Variants in AKR1B15 observed in about 807,000 individuals in gnomAD.
The protein encoded by AKR1B15 is aldo-keto reductase family 1 member B15, also known as estradiol 17-beta-dehydrogenase AKR1B15.
In AKR1B15, 49 loss-of-function variants were observed where a neutral mutation model predicts 38.5. The ratio of observed to expected loss-of-function variants is 1.27; its 90% CI spans 1.01 to 1.62. AKR1B15 has a LOEUF of 1.62. AKR1B15 is among the 40% of genes most tolerant of loss of function. The pLI is 0.00. For synonymous variants in AKR1B15, 137 were observed against 135.5 expected (o/e 1.01, Z -0.08); for missense variants, 411 against 381.6 (o/e 1.08, Z -0.64).
intron 3 of AKR1B15, 28 bp downstream of exon 3, chr7:134,564,797 A>T (rs1794496342): frequency 1.6e-6 from 1 of 633,962 alleles, no homozygotes; most frequent in African/African-American, 1.8e-5. Flanking sequence ...TCATCACCCA[A>T]TTCCCAACAG....
At chr7:134,565,343 C>T in intron 3 of AKR1B15, 1 of 1,368,708 alleles carries the variant, frequency 7.3e-7, no homozygotes, top group Non-Finnish European at 1.0e-6. Context: ...TCTTTAACAG[C>T]TGTAACACAC....
chr7:134,575,998 G>A (rs1227590213), intron 8 of AKR1B15, 71 bp downstream of exon 8: 28 of 1,559,032 alleles, frequency 1.8e-5, no homozygotes, highest in African/African-American at 2.7e-5. Flanking sequence ...GGTAAATGTC[G>A]GTATGGGTCC....
At position 134,579,669 on chromosome 7, in the gene AKR1B15, T is replaced by G; in HGVS notation, c.*120T>G. 1 of 880,760 alleles carries G rather than the reference T, an allele frequency of 1.1e-6. No individual in the cohort carries two copies. The highest frequency in any genetic ancestry group is 1.7e-6 in the Non-Finnish European group (1 of 586,422). 54.6% of individuals were successfully genotyped at this position (880,760 alleles called of 1,614,324 possible). A position where few individuals can be genotyped will look rare whatever the true frequency, so the allele number is the denominator to read the frequency against. On this transcript the variant is annotated 3_prime_UTR_variant, in exon 12 of 12. Transcript: ENST00000457545. ...GAGATCACAGTGAACTTTGTCCTGT[T>G]GTAGACCAGAATGGAGGTGCTGTTT...
intron 10 of AKR1B15, among the ~76,000 whole-genome samples, chr7:134,577,476 G>A (rs1255957838): frequency 1.3e-5 from 2 of 152,198 alleles, no homozygotes; most frequent in East Asian, 1.9e-4. Context: ...TTTAGTGCCT[G>A]TGAGCCTGGT....
intron 2 of AKR1B15, among the ~76,000 whole-genome samples, chr7:134,562,832 C>CTCTCTCTTTCTTTCTT (rs1554402358): frequency 4.1e-5 from 5 of 122,600 alleles, no homozygotes; most frequent in East Asian, 2.6e-4. Flanking sequence ...TCCTTCCTTT[C>CTCTCTCTTTCTTTCTT]TCTTTCTTTC....
intron 3 of AKR1B15, among the ~76,000 whole-genome samples, chr7:134,565,849 G>A (rs1794521278): frequency 6.6e-6 from 1 of 152,130 alleles, no homozygotes; most frequent in Non-Finnish European, 1.5e-5. Flanking sequence ...ACTTAATTGG[G>A]CACAAGGTTT....
At position 134,577,065 on chromosome 7, in the gene AKR1B15, G is replaced by A. The variant is rs184382373; in HGVS notation, c.909+19G>A. 2.7e-4 allele frequency: 438 copies of A among 1,603,940 alleles called. No homozygotes were observed. The African/African-American group carries it at 5.4e-3, about 20-fold the overall frequency. ...CATTCAGGTAAGTTTCCGGCTGGTC[G>A]GGCCTGGTATTCCTCAGTGGAGTGG... On this transcript the variant is annotated intron_variant, in intron 10 of 11. Coordinates refer to ENST00000457545, the MANE Select transcript of AKR1B15 (RefSeq NM_001080538.3).
At position 134,575,383 on chromosome 7, in the gene AKR1B15, T is replaced by A. The variant is rs763310650; in HGVS notation, c.514-37T>A. 8 of 1,611,434 alleles carry A rather than the reference T, an allele frequency of 5.0e-6. No individual in the cohort carries two copies. In the Admixed American group the frequency reaches 6.7e-5, roughly 14 times the overall value. ...GGCAAGCCAGGGTCCCTGTAGTCCC[T>A]CTAGAGCTGCCCATAAGGTATTCCT... On this transcript the variant is annotated intron_variant, in intron 6 of 11. Transcript: ENST00000457545.
At chr7:134,557,295 G>C (rs1036474846) in intron 2 of AKR1B15, among the ~76,000 whole-genome samples, 1 of 152,096 alleles carries the variant, frequency 6.6e-6, no homozygotes, top group Non-Finnish European at 1.5e-5. Context: ...TCAATCTTAT[G>C]TATCTTAGAA....
rs553102909 is a variant in AKR1B15, at chr7:134,568,297, T to A, written c.290T>A (p.Met97Lys). The change falls in exon 4 of 12, where the codon ATG becomes AAG. Residue 97 changes from methionine (M) to lysine (K), a missense_variant. Met to Lys is a moderately conservative substitution (Grantham distance 95). This residue lies in a region of AKR1B15 where 254 missense variants were observed against 212.4 expected (regional missense o/e 1.20). Transcript: ENST00000457545. ...IQEKIQEKAV[M>K]REDLFIVSKV... ...GAGAAGATCCAAGAGAAGGCTGTGA[T>A]GCGGGAGGACCTGTTCATCGTCAGC... The A allele has an allele frequency of 2.1e-5, 34 of 1,614,128 alleles. No homozygotes were observed. The highest frequency in any genetic ancestry group is 5.3e-5 in the African/African-American group (4 of 75,060).
At chr7:134,575,329 T>G in intron 6 of AKR1B15, 91 bp from the exon 7 acceptor site, 1 of 1,532,480 alleles carries the variant, frequency 6.5e-7, no homozygotes, top group Non-Finnish European at 8.8e-7. Flanking sequence ...GGTGGATCCT[T>G]TAGCAATTTC....
chr7:134,569,867 T>C, intron 5 of AKR1B15: 1 of 250,914 alleles, frequency 4.0e-6, no homozygotes, highest in South Asian at 5.1e-5. Context: ...ATGATTGCAT[T>C]AACTGCACAA....
chr7:134,579,134 C>G (rs546229227), intron 11 of AKR1B15, among the ~76,000 whole-genome samples: 7 of 152,316 alleles, frequency 4.6e-5, no homozygotes, highest in Admixed American at 4.6e-4. Context: ...GAGCCCTTTT[C>G]CGGTGGTATT....
chr7:134,571,550 A>G, intron 5 of AKR1B15, 54 bp from the exon 6 acceptor site: 1 of 1,414,138 alleles, frequency 7.1e-7, no homozygotes. Context: ...CTTGTTGAAC[A>G]GAACCAAGTG....
intron 6 of AKR1B15, chr7:134,573,396 T>C (rs933604133): frequency 2.0e-6 from 2 of 985,314 alleles, no homozygotes; most frequent in African/African-American, 3.5e-5. Flanking sequence ...ATGGCAAGTA[T>C]GTCAATGTAC....
chr7:134,559,039 A>C (rs1283371161), intron 2 of AKR1B15, among the ~76,000 whole-genome samples: 2 of 152,170 alleles, frequency 1.3e-5, no homozygotes, highest in Non-Finnish European at 1.5e-5. Flanking sequence ...CCACCTCCAG[A>C]ATCATGAACT....
At chr7:134,570,982 C>A (rs1289301927) in intron 5 of AKR1B15, among the ~76,000 whole-genome samples, 1 of 152,146 alleles carries the variant, frequency 6.6e-6, no homozygotes, top group African/African-American at 2.4e-5. Flanking sequence ...TATTCCAGGG[C>A]TTAATTATTT....
intron 1 of AKR1B15, among the ~76,000 whole-genome samples, chr7:134,555,379 C>T (rs749516872): frequency 3.9e-5 from 6 of 152,166 alleles, no homozygotes; most frequent in African/African-American, 9.6e-5. Flanking sequence ...TGAAGGTGGA[C>T]GGCACTCCTG....
intron 6 of AKR1B15, 52 bp from the exon 7 acceptor site, chr7:134,575,368 G>C: frequency 2.5e-6 from 4 of 1,583,296 alleles, no homozygotes; most frequent in Non-Finnish European, 3.4e-6. Context: ...GGCAAGCCAG[G>C]GTCCCTGTAG....
Sources: gnomAD v4.1 joint callset for allele counts (sites outside exome capture counted in the v4.1 genomes callset) on GRCh38, gnomAD v4.1.1 for gene constraint, gnomAD v4.1.1 regional missense constraint, MANE v1.5 for transcripts, NCBI Gene and HGNC (gene_info 2026-07-23, HGNC 2026-07-21) for gene names.